The following GIPC2 variants were observed in gnomAD, a reference collection of about 807,000 sequenced individuals.
GIPC2 encodes the protein PDZ domain-containing protein GIPC2.
GIPC2 carries 30 observed loss-of-function variants against 30.6 expected under a neutral mutation model. The observed-to-expected ratio is 0.98, with a 90% confidence interval of 0.73 to 1.33. The LOEUF (loss-of-function observed/expected upper bound fraction) is 1.33. Among genes scored for constraint, GIPC2 ranks in the 40% most tolerant of loss-of-function variants. GIPC2 has a pLI of 0.00. For missense variants in GIPC2, 414 were observed against 390.3 expected (o/e 1.06, Z -0.51); for synonymous variants, 167 against 150.0 (o/e 1.11, Z -0.83).
chr1:78,056,007 G>C (rs1461990852), intron 1 of GIPC2, among the ~76,000 whole-genome samples: 1 of 152,076 alleles, frequency 6.6e-6, no homozygotes, highest in Non-Finnish European at 1.5e-5. Flanking sequence ...TCCTACTTGT[G>C]CTGCAGGACT....
At chr1:78,121,392 T>C (rs923692120) in intron 4 of GIPC2, among the ~76,000 whole-genome samples, 2 of 152,006 alleles carry the variant, frequency 1.3e-5, no homozygotes, top group African/African-American at 4.8e-5. Flanking sequence ...TTCCTATGTG[T>C]TTGAAGGGAA....
At chr1:78,063,138 T>G (rs1661425850) in intron 1 of GIPC2, among the ~76,000 whole-genome samples, 1 of 152,222 alleles carries the variant, frequency 6.6e-6, no homozygotes, top group Admixed American at 6.5e-5. Flanking sequence ...GCATAATTGA[T>G]TCCTTAACTC....
intron 4 of GIPC2, among the ~76,000 whole-genome samples, chr1:78,120,412 G>A (rs1394964903): frequency 6.6e-6 from 1 of 152,066 alleles, no homozygotes; most frequent in Non-Finnish European, 1.5e-5. Flanking sequence ...TTAGGTTTCT[G>A]CCCACACATT....
upstream of GIPC2, chr1:78,045,942 T>G: frequency 1.5e-6 from 2 of 1,351,274 alleles, no homozygotes; most frequent in South Asian, 1.9e-5. Flanking sequence ...GGGGTGGAGG[T>G]CGGGGCCCTG....
intron 4 of GIPC2, among the ~76,000 whole-genome samples, chr1:78,122,823 A>G (rs1456442447): frequency 6.6e-6 from 1 of 152,202 alleles, no homozygotes; most frequent in Non-Finnish European, 1.5e-5. Context: ...GAAGAATAAA[A>G]ACCCTGTTTC....
intron 1 of GIPC2, 65 bp downstream of exon 1, chr1:78,046,399 C>A (rs1661087032): frequency 1.4e-6 from 2 of 1,434,582 alleles, no homozygotes; most frequent in African/African-American, 1.4e-5. Context: ...GCGCGTATTT[C>A]TGTGGGCCCA....
At position 78,135,778 on chromosome 1, in the gene GIPC2, G is replaced by T; in HGVS notation, c.*35G>T. 2 of 1,551,874 alleles carry T rather than the reference G, an allele frequency of 1.3e-6. No individual in the cohort carries two copies. The highest frequency in any genetic ancestry group is 1.7e-6 in the Non-Finnish European group (2 of 1,154,716). On this transcript the variant is annotated 3_prime_UTR_variant, in exon 6 of 6. Coordinates refer to ENST00000370759, the MANE Select transcript of GIPC2 (RefSeq NM_017655.6). ...TCCATCTCTGAAGAAACAACCCATC[G>T]TTCTTTTTTTTCTCTTTTTTAAAAA...
chr1:78,051,802 G>C (rs185013587), intron 1 of GIPC2, among the ~76,000 whole-genome samples: 1 of 152,288 alleles, frequency 6.6e-6, no homozygotes, highest in Non-Finnish European at 1.5e-5. Context: ...GCGTAGAATT[G>C]TGATTTTTAA....
intron 1 of GIPC2, 24 bp from the exon 2 acceptor site, chr1:78,080,651 C>T (rs752791304): frequency 1.4e-6 from 2 of 1,423,388 alleles, no homozygotes; most frequent in African/African-American, 1.4e-5. Flanking sequence ...GGAAATGGAC[C>T]TGACATTTTA....
chr1:78,089,211 A>G (rs1661991922), intron 2 of GIPC2: 1 of 152,202 alleles, frequency 6.6e-6, no homozygotes, highest in African/African-American at 2.4e-5. Context: ...GCATAGGGGC[A>G]TGGACTTTAG....
chr1:78,100,756 C>A (rs75704824), intron 3 of GIPC2, among the ~76,000 whole-genome samples: 1 of 151,718 alleles, frequency 6.6e-6, no homozygotes, highest in African/African-American at 2.4e-5. Context: ...GTGGTGAAAC[C>A]CTGTCTCTAC....
intron 3 of GIPC2, among the ~76,000 whole-genome samples, chr1:78,108,064 C>T (rs1662394145): frequency 6.6e-6 from 1 of 152,052 alleles, no homozygotes; most frequent in African/African-American, 2.4e-5. Flanking sequence ...GGGGAAGGTC[C>T]AGGCTGTGTA....
chr1:78,084,453 A>G (rs968690364), intron 2 of GIPC2, among the ~76,000 whole-genome samples: 2 of 150,616 alleles, frequency 1.3e-5, no homozygotes, highest in African/African-American at 4.9e-5. Flanking sequence ...GGAGGTTGCA[A>G]TGAGCCGAGA....
chr1:78,101,145 C>A (rs1335461744), intron 3 of GIPC2, among the ~76,000 whole-genome samples: 1 of 152,004 alleles, frequency 6.6e-6, no homozygotes, highest in Non-Finnish European at 1.5e-5. Flanking sequence ...ATTTAAGGGG[C>A]AGAAAGAGAA....
At chr1:78,102,681 C>T (rs1662271127) in intron 3 of GIPC2, among the ~76,000 whole-genome samples, 1 of 152,172 alleles carries the variant, frequency 6.6e-6, no homozygotes, top group African/African-American at 2.4e-5. Context: ...GAAGATGTGT[C>T]TACCACATTG....
chr1:78,070,835 T>C (rs1033619980), intron 1 of GIPC2, among the ~76,000 whole-genome samples: 17 of 152,192 alleles, frequency 1.1e-4, no homozygotes, highest in African/African-American at 3.9e-4. Flanking sequence ...TTAGTAATAC[T>C]GAAAAAAGTA....
chr1:78,108,846 C>T (rs1434033119), intron 3 of GIPC2, among the ~76,000 whole-genome samples: 1 of 152,146 alleles, frequency 6.6e-6, no homozygotes, highest in African/African-American at 2.4e-5. Context: ...TGCCTCATTA[C>T]TTGGACAGAA....
chr1:78,113,639 T>G (rs973886756), intron 3 of GIPC2, among the ~76,000 whole-genome samples: 1 of 152,176 alleles, frequency 6.6e-6, no homozygotes, highest in African/African-American at 2.4e-5. Flanking sequence ...TCCGCCACCC[T>G]TGGCCTCTCA....
In GIPC2 at chr1:78,046,026, G is replaced by A; in HGVS notation, c.-69G>A. ...ACCTGCGCGGGGCCCGGGGCGCAAA[G>A]TCCGAGGCGCCGGGGGGAGGAGGCG... On this transcript the variant is annotated 5_prime_UTR_variant, in exon 1 of 6. Transcript: ENST00000370759. 2 of 1,399,074 alleles carry A rather than the reference G, an allele frequency of 1.4e-6. No homozygotes were observed. Among genetic ancestry groups the A allele is most frequent in the Non-Finnish European group, 1.9e-6 (2 of 1,079,262 alleles). 86.7% of individuals were successfully genotyped at this position (1,399,074 alleles called of 1,614,324 possible). A position where few individuals can be genotyped will look rare whatever the true frequency, so the allele number is the denominator to read the frequency against.
Sources: gnomAD v4.1 joint callset for allele counts (sites outside exome capture counted in the v4.1 genomes callset) on GRCh38, gnomAD v4.1.1 for gene constraint, MANE v1.5 for transcripts, NCBI Gene and HGNC (gene_info 2026-07-23, HGNC 2026-07-21) for gene names.